Variants in NCAM2 observed in about 807,000 individuals in gnomAD.
NCAM2 encodes the protein N-CAM-2.
NCAM2 carries 30 observed loss-of-function variants against 98.1 expected under a neutral mutation model. That is an observed-to-expected ratio of 0.31 (90% CI 0.23 to 0.41). The LOEUF is 0.41. Among genes scored for constraint, NCAM2 ranks in the 10% least tolerant of loss-of-function variants. The pLI, the probability that NCAM2 is intolerant of heterozygous loss-of-function variation, is 1.00. For missense variants in NCAM2, 867 were observed against 1,005.8 expected (o/e 0.86, Z 1.87); for synonymous variants, 368 against 342.4 (o/e 1.07, Z -0.83).
intron 1 of NCAM2, among the ~76,000 whole-genome samples, chr21:21,056,961 G>C (rs1253806690): frequency 6.6e-6 from 1 of 151,818 alleles, no homozygotes; most frequent in Non-Finnish European, 1.5e-5. Flanking sequence ...TTTAATTATA[G>C]ACTGGACTGA....
At chr21:21,182,301 A>G (rs568854537) in intron 1 of NCAM2, among the ~76,000 whole-genome samples, 3 of 152,286 alleles carry the variant, frequency 2.0e-5, no homozygotes, top group Non-Finnish European at 4.4e-5. Context: ...TTGGAAATAT[A>G]TATTAGTTTC....
intron 1 of NCAM2, among the ~76,000 whole-genome samples, chr21:21,274,183 T>A (rs984464655): frequency 5.6e-5 from 8 of 142,708 alleles, no homozygotes; most frequent in African/African-American, 1.1e-4. Flanking sequence ...AAAAAAAAAA[T>A]TTTAATCACT....
chr21:21,021,427 C>G (rs750430402), intron 1 of NCAM2, among the ~76,000 whole-genome samples: 1 of 152,034 alleles, frequency 6.6e-6, no homozygotes, highest in South Asian at 2.1e-4. Flanking sequence ...AGTTCACTTC[C>G]GTGTAAAGCC....
intron 10 of NCAM2, among the ~76,000 whole-genome samples, chr21:21,412,841 T>G (rs918356593): frequency 2.6e-5 from 4 of 151,090 alleles, no homozygotes; most frequent in Non-Finnish European, 5.9e-5. Context: ...CAATGAGCAT[T>G]ACTAATATTT....
At chr21:21,426,950 A>T (rs2077226608) in intron 11 of NCAM2, among the ~76,000 whole-genome samples, 1 of 152,208 alleles carries the variant, frequency 6.6e-6, no homozygotes. Flanking sequence ...GATAGGGTTT[A>T]AAACACCATT....
intron 13 of NCAM2, among the ~76,000 whole-genome samples, chr21:21,467,376 A>T (rs1039144523): frequency 9.0e-5 from 12 of 133,200 alleles, no homozygotes; most frequent in African/African-American, 3.0e-4. Context: ...CCTGATATAT[A>T]TATCTTTATA....
At position 21,272,497 on chromosome 21, in the gene NCAM2, TGC is replaced by T. The variant is rs201869091; in HGVS notation, c.56-8070_56-8069del. Among the ~76,000 whole-genome samples the T allele has an allele frequency of 5.4e-4, 78 of 145,542 alleles. No individual in the cohort carries two copies. The South Asian group carries it at 0.012, about 23-fold the overall frequency. On this transcript the variant is annotated intron_variant, in intron 1 of 17. Transcript: ENST00000400546. Reference sequence around the variant, plus strand: ...AAAAACACGCACACATACACACACATGCGCGCGCGCGCACACACACACACACA... The same window carrying T: ...AAAAACACGCACACATACACACACATGCGCGCGCGCACACACACACACACA...
In NCAM2 at chr21:21,138,290, T is replaced by A. The variant is rs1029493382; in HGVS notation, c.55+139672T>A. Among the ~76,000 whole-genome samples, 9 of 152,304 alleles carry A rather than the reference T, an allele frequency of 5.9e-5. No homozygotes were observed. The East Asian group carries it at 1.4e-3, about 23-fold the overall frequency. On this transcript the variant is annotated intron_variant, in intron 1 of 17. Coordinates refer to ENST00000400546, the MANE Select transcript of NCAM2 (RefSeq NM_004540.5). Reference sequence around the variant, plus strand: ...ACGTTCCAATCTCTCCAGTTCATTCTGCAAACCAGCATTGCAGTACTTTTT... The same window carrying A: ...ACGTTCCAATCTCTCCAGTTCATTCAGCAAACCAGCATTGCAGTACTTTTT...
chr21:21,244,844 T>A (rs79967926), intron 1 of NCAM2, among the ~76,000 whole-genome samples: 12 of 99,936 alleles, frequency 1.2e-4, no homozygotes, highest in African/African-American at 1.6e-4. Flanking sequence ...AGACTCTGTC[T>A]AAAAAAAAAA....
chr21:21,355,535 A>T, intron 8 of NCAM2, among the ~76,000 whole-genome samples: 1 of 138,240 alleles, frequency 7.2e-6, no homozygotes, highest in African/African-American at 2.6e-5. Context: ...GGAGGGAGGG[A>T]GGGAGAGAGG....
chr21:21,084,034 T>C (rs1038607706), intron 1 of NCAM2, among the ~76,000 whole-genome samples: 1 of 152,166 alleles, frequency 6.6e-6, no homozygotes. Flanking sequence ...CTTACAGTTC[T>C]GGAGGCTGGG....
At chr21:21,233,166 C>A (rs1012449757) in intron 1 of NCAM2, among the ~76,000 whole-genome samples, 3 of 151,290 alleles carry the variant, frequency 2.0e-5, no homozygotes, top group Non-Finnish European at 3.0e-5. Context: ...TTGGCAAGTT[C>A]TTCTTTCTTT....
intron 1 of NCAM2, among the ~76,000 whole-genome samples, chr21:21,121,452 A>G (rs2066673167): frequency 6.6e-6 from 1 of 152,150 alleles, no homozygotes; most frequent in East Asian, 1.9e-4. Context: ...GAAATTTTGC[A>G]CCGTAATTTT....
At chr21:21,420,621 T>G (rs752375704) in intron 11 of NCAM2, among the ~76,000 whole-genome samples, 2 of 152,038 alleles carry the variant, frequency 1.3e-5, no homozygotes, top group Non-Finnish European at 2.9e-5. Flanking sequence ...AAATATATTC[T>G]AAATATTAAT....
intron 15 of NCAM2, among the ~76,000 whole-genome samples, chr21:21,505,975 T>C (rs1452344337): frequency 6.6e-6 from 1 of 151,876 alleles, no homozygotes; most frequent in Non-Finnish European, 1.5e-5. Flanking sequence ...CAAAAGCTAA[T>C]GATGGTAAGT....
intron 1 of NCAM2, among the ~76,000 whole-genome samples, chr21:21,203,720 T>C (rs1436321808): frequency 6.6e-6 from 1 of 152,190 alleles, no homozygotes; most frequent in Non-Finnish European, 1.5e-5. Context: ...ACAGTGTAAG[T>C]AATTAAAATA....
intron 12 of NCAM2, chr21:21,463,895 A>G (rs1320424002): frequency 6.6e-6 from 1 of 151,458 alleles, no homozygotes; most frequent in African/African-American, 2.4e-5. Flanking sequence ...TATCATCTTT[A>G]TTGTTTAACC....
intron 1 of NCAM2, among the ~76,000 whole-genome samples, chr21:21,130,817 A>G (rs1242789998): frequency 6.6e-6 from 1 of 152,156 alleles, no homozygotes; most frequent in African/African-American, 2.4e-5. Context: ...AATATTTAAA[A>G]TGGCAAAACA....
At chr21:21,169,427 A>T (rs1216706247) in intron 1 of NCAM2, among the ~76,000 whole-genome samples, 1 of 152,340 alleles carries the variant, frequency 6.6e-6, no homozygotes, top group East Asian at 1.9e-4. Flanking sequence ...TGTGAAAGAA[A>T]TATTTGATAA....
Sources: allele counts gnomAD v4.1 joint callset (sites outside exome capture counted in the v4.1 genomes callset), GRCh38; gene constraint gnomAD v4.1.1; transcripts MANE v1.5; gene names NCBI Gene and HGNC (gene_info 2026-07-23, HGNC 2026-07-21).